HS6ST3: variants seen among roughly 807,000 people sequenced by gnomAD.
The protein encoded by HS6ST3 is heparan-sulfate 6-O-sulfotransferase 3.
HS6ST3 carries 12 observed loss-of-function variants against 36.7 expected under a neutral mutation model. The ratio of observed to expected loss-of-function variants is 0.33; its 90% confidence interval spans 0.21 to 0.53. The LOEUF is 0.53. Ranked by LOEUF, HS6ST3 falls within the 20% of genes least tolerant of loss-of-function variation. The pLI is 0.95. For missense variants in HS6ST3, 584 were observed against 640.9 expected, an observed-to-expected ratio of 0.91 and a Z score of 0.96; for synonymous variants, 240 against 257.5, an observed-to-expected ratio of 0.93 and a Z score of 0.65.
At chr13:96,702,131 C>G (rs1875304836) in intron 1 of HS6ST3, among the ~76,000 whole-genome samples, 1 of 152,128 alleles carries the variant, frequency 6.6e-6, no homozygotes, top group Non-Finnish European at 1.5e-5. Flanking sequence ...GATGGAGTTA[C>G]ATATCTTGGT....
chr13:96,744,602 G>A (rs1876520184), intron 1 of HS6ST3, among the ~76,000 whole-genome samples: 1 of 152,062 alleles, frequency 6.6e-6, no homozygotes, highest in Non-Finnish European at 1.5e-5. Flanking sequence ...TTGGAAAGGA[G>A]CAGCTTGTCT....
At chr13:96,609,731 T>C (rs1179190301) in intron 1 of HS6ST3, among the ~76,000 whole-genome samples, 2 of 152,192 alleles carry the variant, frequency 1.3e-5, no homozygotes, top group African/African-American at 2.4e-5. Flanking sequence ...ATGAATGTAA[T>C]AGGGGAAAAT....
chr13:96,328,603 T>C (rs2055046246), intron 1 of HS6ST3, among the ~76,000 whole-genome samples: 1 of 151,622 alleles, frequency 6.6e-6, no homozygotes, highest in Non-Finnish European at 1.5e-5. Context: ...TTGAGGATTT[T>C]TGCATCAATG....
At chr13:96,731,132 C>A (rs191717181) in intron 1 of HS6ST3, among the ~76,000 whole-genome samples, 73 of 152,318 alleles carry the variant, frequency 4.8e-4, no homozygotes, top group African/African-American at 1.5e-3. Context: ...TTCAAGAATA[C>A]AATATACCAT....
In HS6ST3 at chr13:96,304,711, C is replaced by CTTTCTTTCT. The variant is rs766397124; in HGVS notation, c.707+213145_707+213146insCTTTCTTTT. On this transcript the variant is annotated intron_variant, in intron 1 of 1. Transcript: ENST00000376705. The stretch of plus-strand genomic sequence containing the variant: ...TCTTTCTTTCTTTCTTTCTTTCTTT[C>CTTTCTTTCT]TTTTTTTTTTTTTTTTTTTTACAGA... Among the ~76,000 whole-genome samples the CTTTCTTTCT allele has an allele frequency of 7.5e-3, 671 of 89,316 alleles. 9 individuals carry two copies. Among genetic ancestry groups the CTTTCTTTCT allele is most frequent in the Non-Finnish European group, 0.013 (577 of 43,874 alleles). The allele number at this position is 89,316 out of a possible 152,430, so 58.6% of individuals were successfully genotyped here.
intron 1 of HS6ST3, among the ~76,000 whole-genome samples, chr13:96,231,693 A>G (rs1323539228): frequency 6.6e-6 from 1 of 152,204 alleles, no homozygotes; most frequent in Admixed American, 6.5e-5. Flanking sequence ...GACCCAAGCC[A>G]TATCAAGGCC....
Position 96,465,213 on chromosome 13 carries a change from A to G in HS6ST3, c.708-367277A>G, listed in dbSNP as rs550923668. Among the ~76,000 whole-genome samples the G allele has an allele frequency of 4.6e-5, 7 of 152,332 alleles. 1 individual carries two copies. Among genetic ancestry groups the G allele is most frequent in the African/African-American group, 1.7e-4 (7 of 41,572 alleles). ...TATCACTTAATACACTTAAGTCTGC[A>G]CATAATTCATGAAGCCAGCAACTAA... On this transcript the variant is annotated intron_variant, in intron 1 of 1. Coordinates refer to ENST00000376705, the MANE Select transcript of HS6ST3 (RefSeq NM_153456.4).
intron 1 of HS6ST3, among the ~76,000 whole-genome samples, chr13:96,168,333 A>G (rs1400363756): frequency 6.6e-6 from 1 of 152,118 alleles, no homozygotes; most frequent in Non-Finnish European, 1.5e-5. Flanking sequence ...CATATCATTG[A>G]CCAGTTGTTT....
intron 1 of HS6ST3, among the ~76,000 whole-genome samples, chr13:96,250,317 C>T (rs540347356): frequency 1.3e-5 from 2 of 152,242 alleles, no homozygotes; most frequent in African/African-American, 4.8e-5. Context: ...TTTCTAACTG[C>T]TGGAACCAGG....
chr13:96,709,360 AC>A (rs148794161), intron 1 of HS6ST3, among the ~76,000 whole-genome samples: 2,723 of 152,316 alleles, frequency 0.018, 72 homozygotes, highest in African/African-American at 0.061. Context: ...GTAAACACAA[AC>A]ACACGACTAC....
At chr13:96,654,143 C>T (rs1056219228) in intron 1 of HS6ST3, among the ~76,000 whole-genome samples, 1 of 151,854 alleles carries the variant, frequency 6.6e-6, no homozygotes, top group Non-Finnish European at 1.5e-5. Flanking sequence ...AAAAATTTTC[C>T]CCCATTGTGT....
intron 1 of HS6ST3, among the ~76,000 whole-genome samples, chr13:96,519,749 T>C (rs560327189): frequency 5.9e-5 from 9 of 152,342 alleles, no homozygotes; most frequent in Admixed American, 2.0e-4. Flanking sequence ...AACTTTTCTG[T>C]GACTCAGTGT....
chr13:96,286,016 C>A (rs2054800552), intron 1 of HS6ST3, among the ~76,000 whole-genome samples: 1 of 140,332 alleles, frequency 7.1e-6, no homozygotes, highest in Non-Finnish European at 1.5e-5. Context: ...CCCTTTCTCT[C>A]TTTCTTCTTC....
intron 1 of HS6ST3, among the ~76,000 whole-genome samples, chr13:96,268,974 G>T (rs1045342924): frequency 1.3e-5 from 2 of 151,972 alleles, no homozygotes; most frequent in Non-Finnish European, 1.5e-5. Flanking sequence ...GGAAATAAAA[G>T]TATCCCATGA....
At chr13:96,518,836 C>G (rs920542953) in intron 1 of HS6ST3, among the ~76,000 whole-genome samples, 10 of 152,142 alleles carry the variant, frequency 6.6e-5, no homozygotes, top group Non-Finnish European at 1.0e-4. Context: ...TATTGCCTAT[C>G]CTTCATTCAA....
chr13:96,772,275 G>C (rs1877284112), intron 1 of HS6ST3, among the ~76,000 whole-genome samples: 1 of 152,160 alleles, frequency 6.6e-6, no homozygotes, highest in African/African-American at 2.4e-5. Context: ...AGTCAAAGGG[G>C]CTTGCCTTAT....
intron 1 of HS6ST3, among the ~76,000 whole-genome samples, chr13:96,350,101 A>G (rs1268035005): frequency 6.6e-6 from 1 of 152,152 alleles, no homozygotes; most frequent in Non-Finnish European, 1.5e-5. Context: ...CAATCATGAA[A>G]TTTCCTTGCC....
chr13:96,202,399 A>G (rs2054347181), intron 1 of HS6ST3, among the ~76,000 whole-genome samples: 1 of 152,152 alleles, frequency 6.6e-6, no homozygotes, highest in Admixed American at 6.6e-5. Flanking sequence ...TGATTTCATC[A>G]AATGCCTTTA....
At chr13:96,828,236 T>G (rs1166649457) in intron 1 of HS6ST3, among the ~76,000 whole-genome samples, 2 of 152,232 alleles carry the variant, frequency 1.3e-5, no homozygotes, top group Admixed American at 6.5e-5. Flanking sequence ...ATTTTGAAGT[T>G]TCTTTAGCAC....
Sources: gnomAD v4.1 joint callset for allele counts (sites outside exome capture counted in the v4.1 genomes callset) on GRCh38, gnomAD v4.1.1 for gene constraint, MANE v1.5 for transcripts, NCBI Gene and HGNC (gene_info 2026-07-23, HGNC 2026-07-21) for gene names.